The following SH3BGR variants were observed in gnomAD, a reference collection of about 807,000 sequenced individuals.
SH3BGR encodes SH3 domain binding glutamate rich protein.
SH3BGR carries 29 observed loss-of-function variants against 24.5 expected under a neutral mutation model. The ratio of observed to expected loss-of-function variants is 1.18; its 90% CI spans 0.88 to 1.61. The LOEUF (loss-of-function observed/expected upper bound fraction) is 1.61, where lower values mean the gene tolerates loss of function less well. Ranked by LOEUF, SH3BGR falls within the 40% of genes most tolerant of loss-of-function variation. The pLI, the probability that SH3BGR is intolerant of heterozygous loss-of-function variation, is 0.00. For missense variants in SH3BGR, 162 were observed against 205.8 expected (o/e 0.79, Z 1.30); for synonymous variants, 55 against 65.7 (o/e 0.84, Z 0.79).
intron 1 of SH3BGR, among the ~76,000 whole-genome samples, chr21:39,453,033 A>T (rs2077600273): frequency 6.6e-6 from 1 of 152,162 alleles, no homozygotes; most frequent in African/African-American, 2.4e-5. Flanking sequence ...TGTTCCTTTT[A>T]TATCTAGTTT....
At chr21:39,489,651 C>G (rs1363443101) in intron 3 of SH3BGR, among the ~76,000 whole-genome samples, 1 of 152,184 alleles carries the variant, frequency 6.6e-6, no homozygotes, top group Non-Finnish European at 1.5e-5. Flanking sequence ...GGCAGTCAGC[C>G]TCAACCCTGG....
intron 3 of SH3BGR, among the ~76,000 whole-genome samples, chr21:39,489,580 G>C (rs1365727837): frequency 6.6e-6 from 1 of 152,212 alleles, no homozygotes; most frequent in Non-Finnish European, 1.5e-5. Flanking sequence ...TGGGTGGGGA[G>C]GCACAGCAGG....
intron 3 of SH3BGR, among the ~76,000 whole-genome samples, chr21:39,492,466 G>GTGTGTGTGTGTGTGTGTA (rs1404293146): frequency 1.4e-5 from 2 of 139,730 alleles, no homozygotes; most frequent in Admixed American, 6.9e-5. Context: ...GTGTGTGTGT[G>GTGTGTGTGTGTGTGTGTA]TATATATATA....
intron 3 of SH3BGR, among the ~76,000 whole-genome samples, chr21:39,490,957 C>T (rs2078289263): frequency 1.3e-5 from 2 of 152,154 alleles, no homozygotes; most frequent in South Asian, 4.2e-4. Flanking sequence ...GTCTCAAACT[C>T]CTAGGCTGTA....
At chr21:39,467,061 A>C (rs2123342580) in intron 2 of SH3BGR, among the ~76,000 whole-genome samples, 1 of 152,316 alleles carries the variant, frequency 6.6e-6, no homozygotes, top group South Asian at 2.1e-4. Flanking sequence ...GTACTTTTCC[A>C]GGGAAAATAA....
At chr21:39,468,486 T>A (rs765199343) in intron 2 of SH3BGR, among the ~76,000 whole-genome samples, 1 of 152,180 alleles carries the variant, frequency 6.6e-6, no homozygotes, top group Non-Finnish European at 1.5e-5. Context: ...TCACCCAGGC[T>A]GGAGTGCAGT....
At chr21:39,498,789 C>G (rs2078441165) in intron 3 of SH3BGR, among the ~76,000 whole-genome samples, 1 of 152,178 alleles carries the variant, frequency 6.6e-6, no homozygotes, top group Admixed American at 6.5e-5. Flanking sequence ...CATCTATCAT[C>G]TATCTATTAT....
intron 1 of SH3BGR, 26 bp downstream of exon 1, chr21:39,452,167 C>T: frequency 6.2e-7 from 1 of 1,613,692 alleles, no homozygotes; most frequent in Non-Finnish European, 8.5e-7. Context: ...ACTCTTTCTT[C>T]CTATACTCTT....
chr21:39,463,287 T>C (rs186590476), intron 2 of SH3BGR, among the ~76,000 whole-genome samples: 1 of 152,276 alleles, frequency 6.6e-6, no homozygotes, highest in Non-Finnish European at 1.5e-5. Context: ...CTGGGCATTT[T>C]GGTTATAACA....
Position 39,511,011 on chromosome 21 carries a change from C to T in SH3BGR, c.436-669C>T, listed in dbSNP as rs2078682564. On this transcript the variant is annotated intron_variant, in intron 5 of 6. Transcript: ENST00000333634. The surrounding 1 kb of genome is among the most constrained non-coding windows in gnomAD (Gnocchi z 4.2). ...TGTTAATATGAGTGGAGACTGTACA[C>T]TTAGGTGGGATTATAAAACCTGTTA... 6.8e-6 allele frequency among the ~76,000 whole-genome samples: 1 copy of T among 146,202 alleles called. No homozygotes were observed. The highest frequency in any genetic ancestry group is 2.0e-4 in the East Asian group (1 of 4,896).
chr21:39,467,182 A>G (rs917096486), intron 2 of SH3BGR, among the ~76,000 whole-genome samples: 1 of 152,190 alleles, frequency 6.6e-6, no homozygotes, highest in Non-Finnish European at 1.5e-5. Flanking sequence ...CTAGGATAAA[A>G]TTACTACAGT....
At chr21:39,466,631 C>T (rs1355154974) in intron 2 of SH3BGR, among the ~76,000 whole-genome samples, 1 of 152,176 alleles carries the variant, frequency 6.6e-6, no homozygotes, top group African/African-American at 2.4e-5. Flanking sequence ...TTCACATGAC[C>T]ACAGCAGAGA....
chr21:39,505,249 G>A (rs1171746163), intron 4 of SH3BGR, among the ~76,000 whole-genome samples: 2 of 152,178 alleles, frequency 1.3e-5, no homozygotes, highest in Admixed American at 1.3e-4. Context: ...AGGACTCCAG[G>A]GACTGTGGAG....
At chr21:39,506,887 T>C (rs76505376) in intron 4 of SH3BGR, among the ~76,000 whole-genome samples, 2,603 of 152,114 alleles carry the variant, frequency 0.017, 78 homozygotes, top group African/African-American at 0.06. Context: ...GGAGCACAGA[T>C]TGGAGATGAG....
In SH3BGR at chr21:39,511,667, T is replaced by G; in HGVS notation, c.436-13T>G. Reference sequence around the variant, plus strand: ...ATGCTTCTTAATACTAATGTAAGTTTTGTTAAAATAAGACGGAAGAAATAG... The same window carrying G: ...ATGCTTCTTAATACTAATGTAAGTTGTGTTAAAATAAGACGGAAGAAATAG... On this transcript the variant is annotated splice_polypyrimidine_tract_variant and intron_variant, in intron 5 of 6. Coordinates refer to ENST00000333634, the MANE Select transcript of SH3BGR (RefSeq NM_007341.3). The surrounding 1 kb of genome is among the most constrained non-coding windows in gnomAD (Gnocchi z 4.2). 1 of 1,608,002 alleles carries G rather than the reference T, an allele frequency of 6.2e-7. No homozygotes were observed. The highest frequency in any genetic ancestry group is 8.5e-7 in the Non-Finnish European group (1 of 1,178,462).
intron 3 of SH3BGR, among the ~76,000 whole-genome samples, chr21:39,492,898 T>C (rs1042776238): frequency 6.6e-6 from 1 of 152,192 alleles, no homozygotes; most frequent in African/African-American, 2.4e-5. Context: ...TTTGCATATG[T>C]TTCTTGGCCA....
chr21:39,506,916 T>C (rs1297344938), intron 4 of SH3BGR, among the ~76,000 whole-genome samples: 7 of 152,164 alleles, frequency 4.6e-5, no homozygotes, highest in Non-Finnish European at 1.0e-4. Flanking sequence ...GAGGAGGTGA[T>C]AATCACTCTT....
At chr21:39,473,368 C>T (rs900793466) in intron 2 of SH3BGR, among the ~76,000 whole-genome samples, 2 of 152,154 alleles carry the variant, frequency 1.3e-5, no homozygotes, top group Admixed American at 6.6e-5. Context: ...CTACTATTAA[C>T]GTGTTATCTC....
At chr21:39,485,910 G>A (rs886929195) in intron 3 of SH3BGR, among the ~76,000 whole-genome samples, 9 of 151,710 alleles carry the variant, frequency 5.9e-5, no homozygotes, top group African/African-American at 1.9e-4. Context: ...GGATGGTCTC[G>A]ATCTCCTGAC....
Sources: allele counts gnomAD v4.1 joint callset (sites outside exome capture counted in the v4.1 genomes callset), GRCh38; gene constraint gnomAD v4.1.1; non-coding constraint Gnocchi (gnomAD v3.1); transcripts MANE v1.5; gene names NCBI Gene and HGNC (gene_info 2026-07-23, HGNC 2026-07-21).